The following LUZP2 variants were observed in gnomAD, a reference collection of about 807,000 sequenced individuals.
LUZP2 encodes leucine zipper protein 2.
LUZP2 carries 52 observed loss-of-function variants against 51.6 expected under a neutral mutation model. The ratio of observed to expected loss-of-function variants is 1.01; its 90% confidence interval spans 0.81 to 1.27. The LOEUF (loss-of-function observed/expected upper bound fraction) is 1.27. Among genes scored for constraint, LUZP2 ranks in the 50% most tolerant of loss-of-function variants. LUZP2 has a pLI of 0.00. For missense variants in LUZP2, 436 were observed against 395.4 expected, an observed-to-expected ratio of 1.10 and a Z score of -0.87; for synonymous variants, 154 against 137.3, an observed-to-expected ratio of 1.12 and a Z score of -0.85.
intron 5 of LUZP2, among the ~76,000 whole-genome samples, chr11:24,879,851 C>T (rs984597560): frequency 4.2e-5 from 5 of 119,170 alleles, no homozygotes; most frequent in African/African-American, 1.4e-4. Context: ...CCTCTTTAAT[C>T]TACCCTCTCC....
chr11:25,006,408 C>T (rs2133950983), intron 9 of LUZP2, among the ~76,000 whole-genome samples: 1 of 152,256 alleles, frequency 6.6e-6, no homozygotes, highest in Non-Finnish European at 1.5e-5. Context: ...TCTGTCAGGA[C>T]CCTGGAGCTG....
intron 9 of LUZP2, among the ~76,000 whole-genome samples, chr11:24,994,047 G>C (rs1285175107): frequency 6.6e-6 from 1 of 152,022 alleles, no homozygotes; most frequent in Non-Finnish European, 1.5e-5. Flanking sequence ...TTTTAGTAAA[G>C]ATGGGGTTTC....
chr11:25,013,855 C>T (rs1857054564), intron 9 of LUZP2, among the ~76,000 whole-genome samples: 1 of 152,012 alleles, frequency 6.6e-6, no homozygotes. Context: ...CCCATTAGCT[C>T]ATCATTTAAC....
chr11:24,781,418 A>C (rs562803989), intron 5 of LUZP2, among the ~76,000 whole-genome samples: 1 of 152,072 alleles, frequency 6.6e-6, no homozygotes, highest in African/African-American at 2.4e-5. Context: ...TTCTTACTGC[A>C]CTATTTACCA....
At chr11:25,071,542 T>C (rs1859158417) in intron 10 of LUZP2, among the ~76,000 whole-genome samples, 1 of 151,994 alleles carries the variant, frequency 6.6e-6, no homozygotes. Flanking sequence ...ATTTGAAAAG[T>C]CTTTCTACAA....
intron 5 of LUZP2, among the ~76,000 whole-genome samples, chr11:24,774,362 C>CTCTCTATATATA (rs776739280): frequency 1.0e-3 from 77 of 76,330 alleles, no homozygotes; most frequent in African/African-American, 3.6e-3. Flanking sequence ...CTCTCTCTCT[C>CTCTCTATATATA]TATATATATA....
chr11:24,580,232 C>T (rs1419161523), intron 1 of LUZP2, among the ~76,000 whole-genome samples: 1 of 152,172 alleles, frequency 6.6e-6, no homozygotes, highest in South Asian at 2.1e-4. Flanking sequence ...AGTTAACTTA[C>T]TGAAAAGGAA....
intron 1 of LUZP2, among the ~76,000 whole-genome samples, chr11:24,580,166 C>T (rs901020551): frequency 5.9e-5 from 9 of 151,916 alleles, no homozygotes; most frequent in African/African-American, 1.5e-4. Context: ...CAATGTAATC[C>T]ACAGATGTTT....
intron 8 of LUZP2, among the ~76,000 whole-genome samples, chr11:24,980,810 G>C (rs1329106721): frequency 1.3e-5 from 2 of 151,660 alleles, no homozygotes; most frequent in African/African-American, 2.4e-5. Flanking sequence ...TTGGAAGAAG[G>C]GTTCTGCAAG....
chr11:24,805,838 G>A (rs1849841162), intron 5 of LUZP2, among the ~76,000 whole-genome samples: 1 of 152,158 alleles, frequency 6.6e-6, no homozygotes, highest in Admixed American at 6.5e-5. Context: ...AGCCAGTTGA[G>A]GATGATGTAG....
chr11:24,731,796 C>A (rs1443348574), intron 2 of LUZP2, among the ~76,000 whole-genome samples: 1 of 151,690 alleles, frequency 6.6e-6, no homozygotes, highest in East Asian at 1.9e-4. Flanking sequence ...AACTTGCCTG[C>A]AGAGAACACA....
chr11:24,560,311 T>G (rs1450990090), intron 1 of LUZP2, among the ~76,000 whole-genome samples: 1 of 152,202 alleles, frequency 6.6e-6, no homozygotes, highest in East Asian at 1.9e-4. Flanking sequence ...GCAAAATTTC[T>G]GATTATGATT....
chr11:24,628,854 C>G (rs537423963), intron 1 of LUZP2, among the ~76,000 whole-genome samples: 4 of 151,954 alleles, frequency 2.6e-5, no homozygotes, highest in African/African-American at 9.7e-5. Flanking sequence ...GCCTCTTGCC[C>G]GGCCTGCTTG....
Position 24,659,427 on chromosome 11 carries a change from G to A in LUZP2, c.63-69742G>A, listed in dbSNP as rs142666296. Reference sequence around the variant, plus strand: ...ACACACCAGGGTCTGTTGTGGGGTGGGGGGAGCGGGGAAGGACAGCATTAG... The same window carrying A: ...ACACACCAGGGTCTGTTGTGGGGTGAGGGGAGCGGGGAAGGACAGCATTAG... On this transcript the variant is annotated intron_variant, in intron 1 of 11. Coordinates refer to ENST00000336930, the MANE Select transcript of LUZP2 (RefSeq NM_001009909.4). Among the ~76,000 whole-genome samples the A allele has an allele frequency of 7.9e-3, 1,205 of 152,138 alleles. 7 individuals carry two copies. The highest frequency in any genetic ancestry group is 0.013 in the Non-Finnish European group (871 of 67,988).
intron 1 of LUZP2, among the ~76,000 whole-genome samples, chr11:24,680,400 C>T (rs191673448): frequency 9.9e-5 from 15 of 152,278 alleles, no homozygotes; most frequent in Non-Finnish European, 1.8e-4. Flanking sequence ...ATTAACAGTA[C>T]CCTGAATGTG....
At chr11:24,836,427 T>A (rs1297041087) in intron 5 of LUZP2, among the ~76,000 whole-genome samples, 1 of 151,880 alleles carries the variant, frequency 6.6e-6, no homozygotes, top group Non-Finnish European at 1.5e-5. Context: ...AATTAAAATA[T>A]ATCAAATTTG....
chr11:24,595,436 T>A (rs1168104461), intron 1 of LUZP2, among the ~76,000 whole-genome samples: 3 of 152,236 alleles, frequency 2.0e-5, no homozygotes, highest in South Asian at 4.1e-4. Flanking sequence ...AGGTCAGTAA[T>A]AACTCAAATT....
chr11:24,602,157 TGTATATATGTGTATATATATG>T (rs1853707699), intron 1 of LUZP2, among the ~76,000 whole-genome samples: 1 of 125,314 alleles, frequency 8.0e-6, no homozygotes, highest in Non-Finnish European at 1.6e-5. Flanking sequence ...TATGTATATA[TGTATATATGTGTATATATATG>T]TGTATATATG....
chr11:24,724,940 T>A (rs2631435), intron 1 of LUZP2, among the ~76,000 whole-genome samples: 22,038 of 152,092 alleles, frequency 0.14, 2,048 homozygotes, highest in South Asian at 0.25. Flanking sequence ...AAAAAATGAG[T>A]AAATGTAAAG....
Sources: allele counts gnomAD v4.1 joint callset (sites outside exome capture counted in the v4.1 genomes callset), GRCh38; gene constraint gnomAD v4.1.1; transcripts MANE v1.5; gene names NCBI Gene and HGNC (gene_info 2026-07-23, HGNC 2026-07-21).